Variants in PDE4B observed in about 807,000 individuals in gnomAD.
The protein encoded by PDE4B is phosphodiesterase 4B.
In PDE4B, 20 loss-of-function variants were observed where a neutral mutation model predicts 82.2. The ratio of observed to expected loss-of-function variants is 0.24; its 90% confidence interval spans 0.17 to 0.35. The LOEUF (loss-of-function observed/expected upper bound fraction) is 0.35. Among genes scored for constraint, PDE4B ranks in the 10% least tolerant of loss-of-function variants. The pLI is 1.00. For missense variants in PDE4B, 655 were observed against 907.2 expected (o/e 0.72, Z 3.57); for synonymous variants, 320 against 318.9 (o/e 1.00, Z -0.04).
At chr1:66,097,485 T>G (rs1240762729) in intron 3 of PDE4B, among the ~76,000 whole-genome samples, 2 of 152,072 alleles carry the variant, frequency 1.3e-5, no homozygotes, top group East Asian at 3.9e-4. Context: ...AAGGGTGAAG[T>G]TATTTATAAA....
chr1:66,210,769 C>A (rs916044944), intron 3 of PDE4B, among the ~76,000 whole-genome samples: 1 of 151,462 alleles, frequency 6.6e-6, no homozygotes, highest in Non-Finnish European at 1.5e-5. Flanking sequence ...GGTCCACAGC[C>A]AAAGTCATAT....
chr1:65,894,723 C>T (rs1452878063), intron 1 of PDE4B, among the ~76,000 whole-genome samples: 1 of 152,070 alleles, frequency 6.6e-6, no homozygotes, highest in East Asian at 1.9e-4. Flanking sequence ...AACATCATTT[C>T]ACAAAAGAAA....
intron 3 of PDE4B, among the ~76,000 whole-genome samples, chr1:66,060,317 T>C (rs185764105): frequency 1.0e-3 from 155 of 152,308 alleles, no homozygotes; most frequent in African/African-American, 3.7e-3. Context: ...GACCAAAATA[T>C]CAAGGAGTTT....
At chr1:66,240,050 G>A (rs1045730014) in intron 3 of PDE4B, among the ~76,000 whole-genome samples, 2 of 152,218 alleles carry the variant, frequency 1.3e-5, no homozygotes, top group Non-Finnish European at 2.9e-5. Context: ...CCCTGTGGAA[G>A]GCATTCTAGC....
At chr1:66,313,062 C>T (rs1426598751) in intron 7 of PDE4B, among the ~76,000 whole-genome samples, 2 of 152,198 alleles carry the variant, frequency 1.3e-5, no homozygotes, top group African/African-American at 4.8e-5. Flanking sequence ...GCAGTTCCTC[C>T]TCTATCATCA....
intron 3 of PDE4B, among the ~76,000 whole-genome samples, chr1:66,099,741 A>G (rs1645184686): frequency 6.6e-6 from 1 of 152,136 alleles, no homozygotes; most frequent in South Asian, 2.1e-4. Flanking sequence ...ATTGACACCT[A>G]CAATATATAA....
At chr1:66,016,811 A>T (rs957483913) in intron 3 of PDE4B, among the ~76,000 whole-genome samples, 1 of 152,232 alleles carries the variant, frequency 6.6e-6, no homozygotes, top group Admixed American at 6.5e-5. Flanking sequence ...AAGGGCTTCA[A>T]TGCTTGCTTT....
chr1:66,125,069 G>A (rs1263932445), intron 3 of PDE4B, among the ~76,000 whole-genome samples: 1 of 150,588 alleles, frequency 6.6e-6, no homozygotes, highest in Non-Finnish European at 1.5e-5. Flanking sequence ...TTTTTTTTGA[G>A]ACGGAGTCTC....
At chr1:66,047,105 C>T (rs1342035202) in intron 3 of PDE4B, among the ~76,000 whole-genome samples, 4 of 151,672 alleles carry the variant, frequency 2.6e-5, no homozygotes, top group Non-Finnish European at 4.4e-5. Context: ...TCAGTGATTC[C>T]TATGAGAAAT....
chr1:66,305,543 C>A (rs1054358449), intron 7 of PDE4B, among the ~76,000 whole-genome samples: 4 of 152,014 alleles, frequency 2.6e-5, no homozygotes, highest in Non-Finnish European at 5.9e-5. Flanking sequence ...TTGGGTTAAA[C>A]CTGACAAGCC....
At chr1:65,895,089 T>C (rs1288033474) in intron 1 of PDE4B, among the ~76,000 whole-genome samples, 1 of 152,154 alleles carries the variant, frequency 6.6e-6, no homozygotes. Flanking sequence ...TGTACTTGAA[T>C]GTTCATTGCA....
intron 3 of PDE4B, among the ~76,000 whole-genome samples, chr1:66,148,406 T>G (rs1646317896): frequency 6.6e-6 from 1 of 152,206 alleles, no homozygotes; most frequent in African/African-American, 2.4e-5. Flanking sequence ...TGAAGGATGC[T>G]GAAAGCTTTC....
At position 66,009,658 on chromosome 1, in the gene PDE4B, T is replaced by C. The variant is rs1569962487; in HGVS notation, c.281+90823T>C. Among the ~76,000 whole-genome samples the C allele has an allele frequency of 1.3e-5, 2 of 152,242 alleles. 1 individual carries two copies. The highest frequency in any genetic ancestry group is 4.1e-4 in the South Asian group (2 of 4,824). On this transcript the variant is annotated intron_variant, in intron 3 of 16. Coordinates refer to ENST00000341517, the MANE Select transcript of PDE4B (RefSeq NM_002600.4). Reference sequence around the variant, plus strand: ...TCTTATCAAGACCTCGGCCTTTTCTTGTTGTCAAGAAAAAACTTTCTCCAG... The same window carrying C: ...TCTTATCAAGACCTCGGCCTTTTCTCGTTGTCAAGAAAAAACTTTCTCCAG...
chr1:66,307,962 C>T (rs558279824), intron 7 of PDE4B, among the ~76,000 whole-genome samples: 1 of 152,052 alleles, frequency 6.6e-6, no homozygotes, highest in South Asian at 2.1e-4. Flanking sequence ...GCATGTTGCA[C>T]ACATTATTTT....
At chr1:65,943,978 T>C (rs1476225231) in intron 3 of PDE4B, among the ~76,000 whole-genome samples, 1 of 152,062 alleles carries the variant, frequency 6.6e-6, no homozygotes, top group Non-Finnish European at 1.5e-5. Flanking sequence ...ATGTCTTTTA[T>C]TTCTTTCTCT....
At chr1:65,985,940 A>G (rs2100663261) in intron 3 of PDE4B, among the ~76,000 whole-genome samples, 2 of 152,304 alleles carry the variant, frequency 1.3e-5, no homozygotes. Flanking sequence ...AGGAATGTGA[A>G]TAATAATAAT....
At chr1:66,189,508 A>C (rs868474868) in intron 3 of PDE4B, among the ~76,000 whole-genome samples, 2 of 151,950 alleles carry the variant, frequency 1.3e-5, no homozygotes, top group Non-Finnish European at 1.5e-5. Flanking sequence ...ATAGTCCCAT[A>C]TTTCTTGGAG....
chr1:66,327,074 CTA>C (rs1344538832), intron 7 of PDE4B, among the ~76,000 whole-genome samples: 1 of 152,188 alleles, frequency 6.6e-6, no homozygotes, highest in African/African-American at 2.4e-5. Flanking sequence ...TGTTTTCTAA[CTA>C]TGAGCAACTA....
chr1:65,970,399 G>C (rs1650067652), intron 3 of PDE4B, among the ~76,000 whole-genome samples: 1 of 152,000 alleles, frequency 6.6e-6, no homozygotes, highest in African/African-American at 2.4e-5. Context: ...CATGTATTTG[G>C]AAGATAAATG....
Sources: gnomAD v4.1 joint callset for allele counts (sites outside exome capture counted in the v4.1 genomes callset) on GRCh38, gnomAD v4.1.1 for gene constraint, MANE v1.5 for transcripts, NCBI Gene and HGNC (gene_info 2026-07-23, HGNC 2026-07-21) for gene names.